CFAP61: variants seen among roughly 807,000 people sequenced by gnomAD.
The protein encoded by CFAP61 is cilia and flagella associated protein 61, also known as cilia- and flagella-associated protein 61.
Under a neutral mutation model 135.6 loss-of-function variants are expected in CFAP61, and 107 were observed. The observed-to-expected ratio is 0.79, with a 90% CI of 0.67 to 0.93. The LOEUF is 0.93. Among genes scored for constraint, CFAP61 ranks in the 40% least tolerant of loss-of-function variants. CFAP61 has a pLI of 0.00. For missense variants in CFAP61, 1,507 were observed against 1,556.2 expected, an observed-to-expected ratio of 0.97 and a Z score of 0.53; for synonymous variants, 575 against 578.5, an observed-to-expected ratio of 0.99 and a Z score of 0.09.
chr20:20,153,128 G>A (rs1160924737), intron 9 of CFAP61, among the ~76,000 whole-genome samples: 1 of 152,084 alleles, frequency 6.6e-6, no homozygotes, highest in Non-Finnish European at 1.5e-5. Flanking sequence ...TGATCTTTGG[G>A]TCAACAGTGA....
chr20:20,128,565 T>A (rs1268097016), intron 8 of CFAP61, among the ~76,000 whole-genome samples: 1 of 151,742 alleles, frequency 6.6e-6, no homozygotes, highest in Non-Finnish European at 1.5e-5. Flanking sequence ...GGAGGCAGTC[T>A]GCTTCCTTCA....
intron 7 of CFAP61, among the ~76,000 whole-genome samples, chr20:20,096,634 C>G (rs1341692673): frequency 1.3e-5 from 2 of 152,222 alleles, no homozygotes; most frequent in African/African-American, 2.4e-5. Context: ...TCCATGTGAA[C>G]CAAGATGGAT....
chr20:20,208,814 C>G (rs1267971937), intron 17 of CFAP61, among the ~76,000 whole-genome samples: 1 of 152,218 alleles, frequency 6.6e-6, no homozygotes. Flanking sequence ...ACCTGCCCTT[C>G]AGCTCACCCA....
At chr20:20,076,589 A>G (rs1219169713) in intron 6 of CFAP61, among the ~76,000 whole-genome samples, 1 of 152,234 alleles carries the variant, frequency 6.6e-6, no homozygotes, top group South Asian at 2.1e-4. Context: ...ATAAGAGTGC[A>G]TTATGAAATC....
intron 25 of CFAP61, among the ~76,000 whole-genome samples, chr20:20,304,934 CCTT>C (rs2056377030): frequency 6.6e-6 from 1 of 152,134 alleles, no homozygotes; most frequent in Admixed American, 6.5e-5. Flanking sequence ...AGAATCTCTC[CCTT>C]CTTCACCTTA....
intron 8 of CFAP61, among the ~76,000 whole-genome samples, chr20:20,117,251 G>A (rs1158529583): frequency 6.6e-6 from 1 of 152,248 alleles, no homozygotes; most frequent in East Asian, 1.9e-4. Context: ...GGCTGAGGCA[G>A]GACAATCACT....
At chr20:20,127,570 A>C (rs2050161515) in intron 8 of CFAP61, among the ~76,000 whole-genome samples, 1 of 144,240 alleles carries the variant, frequency 6.9e-6, no homozygotes, top group South Asian at 2.2e-4. Flanking sequence ...TATGATGTGA[A>C]CCATCTGTGG....
intron 13 of CFAP61, chr20:20,172,134 A>G: frequency 1.2e-6 from 1 of 845,664 alleles, no homozygotes; most frequent in Non-Finnish European, 1.5e-6. Flanking sequence ...AAGAGGAAAA[A>G]GGATACTATG....
rs544360947 is a variant in CFAP61, at chr20:20,095,316, T to G, written c.700-3339T>G. Among the ~76,000 whole-genome samples, 9 of 152,186 alleles carry G rather than the reference T, an allele frequency of 5.9e-5. No homozygotes were observed. In the South Asian group the frequency reaches 1.9e-3, roughly 32 times the overall value. Reference sequence around the variant, plus strand: ...GGGCTTTTCCCCCGCAAATGCTGATTAGGCATTTACAGGCACACGTTACTT... The same window carrying G: ...GGGCTTTTCCCCCGCAAATGCTGATGAGGCATTTACAGGCACACGTTACTT... On this transcript the variant is annotated intron_variant, in intron 7 of 26. Transcript: ENST00000245957.
At chr20:20,148,059 G>A (rs941176445) in intron 9 of CFAP61, among the ~76,000 whole-genome samples, 2 of 152,052 alleles carry the variant, frequency 1.3e-5, no homozygotes, top group African/African-American at 2.4e-5. Context: ...CTAGTTGGCT[G>A]TTAAGTATTT....
intron 8 of CFAP61, among the ~76,000 whole-genome samples, chr20:20,117,153 C>T (rs1185732185): frequency 6.6e-6 from 1 of 151,958 alleles, no homozygotes; most frequent in African/African-American, 2.4e-5. Flanking sequence ...TTCAGGAGTT[C>T]GAGACCAGCC....
In CFAP61 at chr20:20,199,644, A is replaced by AT. The variant is rs11474984; in HGVS notation, c.1798-113dup. The AT allele has an allele frequency of 8.2e-3, 7,162 of 873,090 alleles. 1 individual carries two copies. Among genetic ancestry groups the AT allele is most frequent in the East Asian group, 0.012 (382 of 31,754 alleles). The allele number at this position is 873,090 out of a possible 1,614,324, so 54.1% of individuals were successfully genotyped here. On this transcript the variant is annotated intron_variant, in intron 16 of 26. Coordinates refer to ENST00000245957, the MANE Select transcript of CFAP61 (RefSeq NM_015585.4). Reference sequence around the variant, plus strand: ...GAAGAGTATGTTTGTTTATTTGCTGATTTTTTTTTTTCCTCTCTGACTTGG... The same window carrying AT: ...GAAGAGTATGTTTGTTTATTTGCTGATTTTTTTTTTTTCCTCTCTGACTTGG...
intron 17 of CFAP61, chr20:20,220,943 G>C (rs950383865): frequency 2.6e-5 from 4 of 152,212 alleles, no homozygotes; most frequent in African/African-American, 9.6e-5. Context: ...ACATATATCT[G>C]TAAGGTAGTA....
chr20:20,280,662 A>G (rs2054137322), intron 22 of CFAP61, among the ~76,000 whole-genome samples: 1 of 152,012 alleles, frequency 6.6e-6, no homozygotes, highest in South Asian at 2.1e-4. Context: ...CATTTTGTTT[A>G]TTTATTTGCC....
intron 17 of CFAP61, among the ~76,000 whole-genome samples, chr20:20,209,525 T>C (rs2047479838): frequency 6.6e-6 from 1 of 152,226 alleles, no homozygotes; most frequent in Non-Finnish European, 1.5e-5. Flanking sequence ...AACCCTCTTT[T>C]TTATGTCAGA....
intron 20 of CFAP61, among the ~76,000 whole-genome samples, chr20:20,256,790 A>G (rs1447017399): frequency 1.3e-5 from 2 of 152,234 alleles, no homozygotes; most frequent in African/African-American, 4.8e-5. Context: ...AAACTTTTTT[A>G]CCCGAAAAAC....
At chr20:20,086,239 A>G (rs111426218) in intron 6 of CFAP61, among the ~76,000 whole-genome samples, 6,340 of 149,852 alleles carry the variant, frequency 0.042, 462 homozygotes, top group African/African-American at 0.15. Flanking sequence ...ATGTGTGTAC[A>G]TGTGCCATAC....
In CFAP61 at chr20:20,337,608, ATGGG is replaced by A. The variant is rs1300305062; in HGVS notation, c.3423-4211_3423-4208del. The stretch of plus-strand genomic sequence containing the variant: ...TGTGGGTGGATGGATGGATGGATAG[ATGGG>A]TGGGTGGGTGGATGGATGGATGGAT... On this transcript the variant is annotated intron_variant, in intron 25 of 26. Transcript: ENST00000245957. 2.1e-4 allele frequency among the ~76,000 whole-genome samples: 4 copies of A among 19,242 alleles called. 1 individual carries two copies. Among genetic ancestry groups the A allele is most frequent in the Non-Finnish European group, 1.7e-4 (1 of 5,844 alleles). The allele number at this position is 19,242 out of a possible 152,430, so 12.6% of individuals were successfully genotyped here.
At chr20:20,100,933 A>G (rs2047978187) in intron 8 of CFAP61, among the ~76,000 whole-genome samples, 1 of 152,208 alleles carries the variant, frequency 6.6e-6, no homozygotes, top group African/African-American at 2.4e-5. Context: ...TGGTAAGTAA[A>G]AGAAATAGGA....
Sources: gnomAD v4.1 joint callset for allele counts (sites outside exome capture counted in the v4.1 genomes callset) on GRCh38, gnomAD v4.1.1 for gene constraint, MANE v1.5 for transcripts, NCBI Gene and HGNC (gene_info 2026-07-23, HGNC 2026-07-21) for gene names.